The following DGKI variants were observed in gnomAD, a reference collection of about 807,000 sequenced individuals.
DGKI encodes the protein DAG kinase iota.
Under a neutral mutation model 147.5 loss-of-function variants are expected in DGKI, and 55 were observed. The observed-to-expected ratio is 0.37, with a 90% confidence interval of 0.30 to 0.47. DGKI has a LOEUF of 0.47. DGKI is among the 20% of genes least tolerant of loss of function. The pLI, the probability that DGKI is intolerant of heterozygous loss-of-function variation, is 1.00. For synonymous variants in DGKI, 469 were observed against 477.1 expected (o/e 0.98, Z 0.22); for missense variants, 1,007 against 1,323.8 (o/e 0.76, Z 3.71).
At chr7:137,759,385 A>C (rs1184235217) in intron 1 of DGKI, among the ~76,000 whole-genome samples, 2 of 150,372 alleles carry the variant, frequency 1.3e-5, no homozygotes, top group Non-Finnish European at 3.0e-5. Context: ...CTTGTCCCCC[A>C]GGCTGGAGTG....
chr7:137,600,487 CA>C (rs1187302065), intron 10 of DGKI, among the ~76,000 whole-genome samples: 1 of 151,956 alleles, frequency 6.6e-6, no homozygotes, highest in Non-Finnish European at 1.5e-5. Flanking sequence ...AGACTTGTTG[CA>C]AGGATTAAAA....
intron 23 of DGKI, among the ~76,000 whole-genome samples, chr7:137,470,604 GTCTTCCAGGCT>G (rs1814844910): frequency 6.6e-6 from 1 of 151,988 alleles, no homozygotes; most frequent in Admixed American, 6.6e-5. Context: ...CTTCCAGGCT[GTCTTCCAGGCT>G]GGAGTGCAGT....
rs550425736 is a variant in DGKI at position 137,662,634 on chromosome 7, T to C, written c.607-6094A>G. ...CAGACCAAGGAGCAAAGATGCCACATGTCCGGAGGAGTCTGTGACCCGAGT... is the reference window on the plus strand; with the variant it reads ...CAGACCAAGGAGCAAAGATGCCACACGTCCGGAGGAGTCTGTGACCCGAGT... On this transcript the variant is annotated intron_variant, in intron 3 of 32. Transcript: ENST00000614521. 4.6e-5 allele frequency among the ~76,000 whole-genome samples: 7 copies of C among 152,254 alleles called. No homozygotes were observed. In the South Asian group the frequency reaches 1.2e-3, roughly 27 times the overall value.
chr7:137,804,405 A>T (rs1160246281), intron 1 of DGKI, among the ~76,000 whole-genome samples: 1 of 152,228 alleles, frequency 6.6e-6, no homozygotes, highest in African/African-American at 2.4e-5. Context: ...TATTGGCTCG[A>T]TGCCCTGTTC....
intron 32 of DGKI, among the ~76,000 whole-genome samples, chr7:137,393,175 T>G (rs1424124818): frequency 6.6e-6 from 1 of 152,136 alleles, no homozygotes; most frequent in African/African-American, 2.4e-5. Context: ...CTTCCTACAT[T>G]ACTAGTTTTC....
intron 1 of DGKI, among the ~76,000 whole-genome samples, chr7:137,736,032 A>G (rs1045411356): frequency 6.6e-6 from 1 of 152,070 alleles, no homozygotes; most frequent in African/African-American, 2.4e-5. Flanking sequence ...AGGGCCCCAC[A>G]CACAGATCAC....
intron 3 of DGKI, among the ~76,000 whole-genome samples, chr7:137,662,155 C>T (rs1822457458): frequency 6.6e-6 from 1 of 152,034 alleles, no homozygotes; most frequent in East Asian, 1.9e-4. Flanking sequence ...CACCATCACT[C>T]ATGCAGGCTT....
chr7:137,694,251 G>A (rs970235970), intron 1 of DGKI, among the ~76,000 whole-genome samples: 2 of 151,928 alleles, frequency 1.3e-5, no homozygotes, highest in African/African-American at 4.8e-5. Flanking sequence ...AACCCCAGGG[G>A]GCGGAGCCTG....
chr7:137,776,463 A>G (rs1000438692), intron 1 of DGKI, among the ~76,000 whole-genome samples: 1 of 152,214 alleles, frequency 6.6e-6, no homozygotes, highest in African/African-American at 2.4e-5. Context: ...ATTACCATGC[A>G]GTGGTTAAAC....
chr7:137,727,062 AT>A (rs759256901), intron 1 of DGKI, among the ~76,000 whole-genome samples: 29 of 152,102 alleles, frequency 1.9e-4, no homozygotes, highest in African/African-American at 6.0e-4. Flanking sequence ...AGAAAAAAAA[AT>A]GTTTTCTCAT....
At chr7:137,718,078 G>A (rs1293076078) in intron 1 of DGKI, among the ~76,000 whole-genome samples, 1 of 152,066 alleles carries the variant, frequency 6.6e-6, no homozygotes, top group Non-Finnish European at 1.5e-5. Context: ...AAATGGTGCT[G>A]CCCACTCACA....
chr7:137,383,046 T>C lies in DGKI; in HGVS notation c.*8174A>G, dbSNP rs930895083. 2 of 151,960 alleles carry C rather than the reference T, an allele frequency of 1.3e-5. No homozygotes were observed. The highest frequency in any genetic ancestry group is 2.9e-5 in the Non-Finnish European group (2 of 67,938). The allele number at this position is 151,960 out of a possible 1,614,324, so 9.4% of individuals were successfully genotyped here. A position where few individuals can be genotyped will look rare whatever the true frequency, so the allele number is the denominator to read the frequency against. On this transcript the variant is annotated 3_prime_UTR_variant, in exon 33 of 33. Transcript: ENST00000614521. The stretch of plus-strand genomic sequence containing the variant: ...CATGCCTCTGTATTGGCAGAGGATA[T>C]AGAATTTCCCACCCTCTTCTCCAGT...
At chr7:137,829,302 C>T (rs2117063086) in intron 1 of DGKI, among the ~76,000 whole-genome samples, 1 of 152,364 alleles carries the variant, frequency 6.6e-6, no homozygotes, top group South Asian at 2.1e-4. Flanking sequence ...CCCCACATTT[C>T]CTGTCTACAG....
intron 8 of DGKI, among the ~76,000 whole-genome samples, chr7:137,614,071 T>G (rs1468428463): frequency 6.6e-6 from 1 of 152,180 alleles, no homozygotes; most frequent in Non-Finnish European, 1.5e-5. Flanking sequence ...ATTACTCATG[T>G]TACTACAAAC....
At chr7:137,664,462 T>C (rs1347755326) in intron 3 of DGKI, among the ~76,000 whole-genome samples, 1 of 151,604 alleles carries the variant, frequency 6.6e-6, no homozygotes. Flanking sequence ...TGCATGACAA[T>C]TATAGCTGAA....
In DGKI at chr7:137,381,535, C is replaced by T. The variant is rs1335681001; in HGVS notation, c.*9685G>A. 3 of 151,794 alleles carry T rather than the reference C, an allele frequency of 2.0e-5. No individual in the cohort carries two copies. The highest frequency in any genetic ancestry group is 2.0e-4 in the Admixed American group (3 of 15,212). 9.4% of individuals were successfully genotyped at this position (151,794 alleles called of 1,614,324 possible). On this transcript the variant is annotated 3_prime_UTR_variant, in exon 33 of 33. Coordinates refer to ENST00000614521, the MANE Select transcript of DGKI (RefSeq NM_001321708.2). ...GTAGCCTTTGCGAGTGGAATACCCA[C>T]AGCCAAGGGTACCCTGGATGCCTGG...
chr7:137,712,706 T>G (rs543873206), intron 1 of DGKI, among the ~76,000 whole-genome samples: 1 of 152,232 alleles, frequency 6.6e-6, no homozygotes, highest in Non-Finnish European at 1.5e-5. Flanking sequence ...TGAATGTTAA[T>G]AGTCGTCATA....
intron 1 of DGKI, among the ~76,000 whole-genome samples, chr7:137,694,990 C>G (rs545522639): frequency 9.9e-5 from 15 of 152,270 alleles, no homozygotes; most frequent in Non-Finnish European, 1.9e-4. Context: ...GATGTAATTA[C>G]TATTGAACCA....
chr7:137,431,916 T>A (rs1326139723), intron 28 of DGKI, among the ~76,000 whole-genome samples: 1 of 152,192 alleles, frequency 6.6e-6, no homozygotes, highest in Admixed American at 6.5e-5. Context: ...CCCCACCAAA[T>A]CTCATGTTGA....
Sources: allele counts gnomAD v4.1 joint callset (sites outside exome capture counted in the v4.1 genomes callset), GRCh38; gene constraint gnomAD v4.1.1; transcripts MANE v1.5; gene names NCBI Gene and HGNC (gene_info 2026-07-23, HGNC 2026-07-21).